EPM2A: variants seen among roughly 807,000 people sequenced by gnomAD.
The protein encoded by EPM2A is laforin.
A neutral mutation model predicts 26.5 loss-of-function variants in EPM2A; 21 were observed. The ratio of observed to expected loss-of-function variants is 0.79; its 90% CI spans 0.56 to 1.14. EPM2A has a LOEUF of 1.14. EPM2A is among the 50% of genes most tolerant of loss of function. EPM2A has a pLI of 0.00. For missense variants in EPM2A, 458 were observed against 440.8 expected, an observed-to-expected ratio of 1.04 and a Z score of -0.35; for synonymous variants, 217 against 177.6, an observed-to-expected ratio of 1.22 and a Z score of -1.76.
At chr6:145,655,188 A>G (rs74434345) in intron 2 of EPM2A, among the ~76,000 whole-genome samples, 1 of 21,614 alleles carries the variant, frequency 4.6e-5, no homozygotes, top group Middle Eastern at 0.016. Flanking sequence ...TTTGCTGTGA[A>G]AAAAAAAAAA....
chr6:145,707,631 T>C (rs2223411), intron 1 of EPM2A, among the ~76,000 whole-genome samples: 110,311 of 152,144 alleles, frequency 0.73, 40,546 homozygotes, highest in African/African-American at 0.82. Context: ...TTGTCTGCTG[T>C]CATGTAAGAC....
chr6:145,403,158 C>T (rs139223236), intron 4 of EPM2A, among the ~76,000 whole-genome samples: 29 of 152,130 alleles, frequency 1.9e-4, no homozygotes, highest in African/African-American at 5.8e-4. Context: ...TTGATATAGA[C>T]GTGTAATGTG....
intron 4 of EPM2A, chr6:145,489,549 G>A (rs1779728098): frequency 2.8e-6 from 2 of 705,168 alleles, no homozygotes; most frequent in East Asian, 2.8e-5. Context: ...CCACTTGTCT[G>A]TTAGCTTAAG....
intron 4 of EPM2A, among the ~76,000 whole-genome samples, chr6:145,414,867 T>C (rs900799029): frequency 2.2e-4 from 34 of 152,214 alleles, no homozygotes; most frequent in Non-Finnish European, 4.4e-4. Context: ...TTTCAGTTTA[T>C]TATTTAGTGT....
intron 4 of EPM2A, among the ~76,000 whole-genome samples, chr6:145,426,798 T>C (rs1176107176): frequency 6.6e-6 from 1 of 152,234 alleles, no homozygotes; most frequent in Non-Finnish European, 1.5e-5. Context: ...CACTTGTATT[T>C]CTTTGCTTTC....
intron 2 of EPM2A, among the ~76,000 whole-genome samples, chr6:145,565,918 A>T (rs1192906067): frequency 6.6e-6 from 1 of 152,204 alleles, no homozygotes; most frequent in Non-Finnish European, 1.5e-5. Flanking sequence ...TGGTGTGCTT[A>T]TTCAGGAAAA....
chr6:145,713,259 G>A (rs1775438377), intron 1 of EPM2A, among the ~76,000 whole-genome samples: 1 of 152,116 alleles, frequency 6.6e-6, no homozygotes, highest in African/African-American at 2.4e-5. Flanking sequence ...TGCTTATTTT[G>A]TGGTTTCCTA....
At chr6:145,554,415 A>AGAT (rs1327989139) in intron 2 of EPM2A, among the ~76,000 whole-genome samples, 172 of 144,660 alleles carry the variant, frequency 1.2e-3, no homozygotes, top group African/African-American at 4.0e-3. Flanking sequence ...ATAGAGAGAT[A>AGAT]GATAGATGAT....
At chr6:145,395,993 C>G (rs953494230) in intron 4 of EPM2A, among the ~76,000 whole-genome samples, 2 of 152,202 alleles carry the variant, frequency 1.3e-5, no homozygotes, top group Admixed American at 6.5e-5. Flanking sequence ...TTTATACACA[C>G]AGCAGACATG....
intron 4 of EPM2A, among the ~76,000 whole-genome samples, chr6:145,481,667 G>A (rs568954996): frequency 8.5e-5 from 13 of 152,156 alleles, no homozygotes; most frequent in African/African-American, 2.4e-4. Context: ...CAGCCAAGCC[G>A]CTCTCAAATT....
At chr6:145,437,223 C>A (rs1391804520) in intron 4 of EPM2A, among the ~76,000 whole-genome samples, 1 of 151,936 alleles carries the variant, frequency 6.6e-6, no homozygotes, top group Non-Finnish European at 1.5e-5. Context: ...TCCCCCACCG[C>A]CCCCCTCCTG....
downstream of EPM2A, among the ~76,000 whole-genome samples, chr6:145,498,965 G>T (rs1779855423): frequency 6.6e-6 from 1 of 151,890 alleles, no homozygotes; most frequent in African/African-American, 2.4e-5. Context: ...CCTCCACCAA[G>T]ACCTAGTTTC....
chr6:145,443,537 C>T lies in EPM2A; in HGVS notation c.555+58985G>A, dbSNP rs1392869082. On this transcript the variant is annotated intron_variant, in intron 4 of 4. Coordinates refer to the EPM2A transcript ENST00000638717. ...CTTGATTTGGCTCTCAGCTTGGGTG[C>T]TGTTACTGTATAGGAATGCTACTGA... 2.0e-5 allele frequency among the ~76,000 whole-genome samples: 3 copies of T among 152,076 alleles called. No homozygotes were observed. The East Asian group carries it at 5.8e-4, about 29-fold the overall frequency.
chr6:145,559,525 C>T (rs1288130931), intron 2 of EPM2A, among the ~76,000 whole-genome samples: 1 of 152,016 alleles, frequency 6.6e-6, no homozygotes, highest in African/African-American at 2.4e-5. Flanking sequence ...ATAATTATTA[C>T]AGTTATCTTT....
At chr6:145,426,397 T>C (rs1778854955) in intron 4 of EPM2A, among the ~76,000 whole-genome samples, 1 of 152,226 alleles carries the variant, frequency 6.6e-6, no homozygotes, top group Non-Finnish European at 1.5e-5. Context: ...CAAAATAATT[T>C]CCACCATCGA....
chr6:145,574,927 T>A (rs1781009872), intron 2 of EPM2A, among the ~76,000 whole-genome samples: 1 of 152,188 alleles, frequency 6.6e-6, no homozygotes, highest in African/African-American at 2.4e-5. Context: ...TCTGCTTATA[T>A]AAATTAGAAA....
intron 1 of EPM2A, chr6:145,734,700 G>C (rs1180085306): frequency 3.3e-5 from 5 of 152,260 alleles, no homozygotes; most frequent in Non-Finnish European, 5.9e-5. Context: ...TAGTGAATTA[G>C]AGCAGGAAAA....
At chr6:145,656,251 T>A (rs960956908) in intron 2 of EPM2A, among the ~76,000 whole-genome samples, 1 of 151,688 alleles carries the variant, frequency 6.6e-6, no homozygotes, top group African/African-American at 2.4e-5. Flanking sequence ...AACACTTGAG[T>A]TCAACAGAGA....
At chr6:145,649,292 T>G (rs376306666) in intron 2 of EPM2A, among the ~76,000 whole-genome samples, 39 of 152,332 alleles carry the variant, frequency 2.6e-4, no homozygotes, top group African/African-American at 7.9e-4. Context: ...CCTCTCAGTG[T>G]TTCAGCTTCA....
Sources: allele counts gnomAD v4.1 joint callset (sites outside exome capture counted in the v4.1 genomes callset), GRCh38; gene constraint gnomAD v4.1.1; transcripts MANE v1.5; gene names NCBI Gene and HGNC (gene_info 2026-07-23, HGNC 2026-07-21).